The following RXRA variants were observed in gnomAD, a reference collection of about 807,000 sequenced individuals.
RXRA encodes the protein retinoic acid receptor RXR-alpha.
Under a neutral mutation model 44.5 loss-of-function variants are expected in RXRA, and 5 were observed. The ratio of observed to expected loss-of-function variants is 0.11; its 90% CI spans 0.06 to 0.24. The LOEUF (loss-of-function observed/expected upper bound fraction) is 0.24, where lower values mean the gene tolerates loss of function less well. Ranked by LOEUF, RXRA falls within the 10% of genes least tolerant of loss-of-function variation. The probability of loss-of-function intolerance (pLI) is 1.00; values close to 1 mark genes in which losing one functional copy is unlikely to be tolerated. For missense variants in RXRA, 412 were observed against 646.5 expected, an observed-to-expected ratio of 0.64 and a Z score of 3.93; for synonymous variants, 291 against 271.4, an observed-to-expected ratio of 1.07 and a Z score of -0.71.
At chr9:134,394,807 G>T (rs951144422) in intron 1 of RXRA, among the ~76,000 whole-genome samples, 8 of 152,208 alleles carry the variant, frequency 5.3e-5, no homozygotes, top group African/African-American at 1.9e-4. Flanking sequence ...CACCATGGGG[G>T]CCTCTTGGGC....
At chr9:134,394,251 GTGA>G (rs1404314613) in intron 1 of RXRA, among the ~76,000 whole-genome samples, 22 of 124,024 alleles carry the variant, frequency 1.8e-4, no homozygotes, top group African/African-American at 4.7e-4. Context: ...GATGACGGTG[GTGA>G]TGATGACGGT....
chr9:134,436,143 A>G (rs1032898454), intron 9 of RXRA, among the ~76,000 whole-genome samples: 1 of 152,146 alleles, frequency 6.6e-6, no homozygotes, highest in Non-Finnish European at 1.5e-5. Context: ...ATCATGCCCA[A>G]CTGCCTGCAA....
chr9:134,375,862 A>T (rs1372593254), intron 1 of RXRA, among the ~76,000 whole-genome samples: 1 of 151,884 alleles, frequency 6.6e-6, no homozygotes, highest in African/African-American at 2.4e-5. Context: ...CACTCCCCCA[A>T]ACAAACAACA....
chr9:134,395,041 G>A (rs1274315860), intron 1 of RXRA, among the ~76,000 whole-genome samples: 3 of 152,250 alleles, frequency 2.0e-5, no homozygotes, highest in Non-Finnish European at 4.4e-5. Flanking sequence ...AGAGGCAGAG[G>A]CCGGACAGGA....
intron 1 of RXRA, among the ~76,000 whole-genome samples, chr9:134,376,971 GC>G (rs1830565863): frequency 2.0e-5 from 3 of 152,222 alleles, no homozygotes; most frequent in Admixed American, 2.0e-4. Context: ...GGCTGAGTGT[GC>G]GATTGTGTGC....
rs1239002254 is a variant in RXRA at position 134,438,569 on chromosome 9, C to T, written c.*1955C>T. The T allele has an allele frequency of 1.3e-5, 2 of 152,548 alleles. No individual in the cohort carries two copies. Among genetic ancestry groups the T allele is most frequent in the African/African-American group, 2.4e-5 (1 of 41,462 alleles). The allele number at this position is 152,548 out of a possible 1,614,324, so 9.4% of individuals were successfully genotyped here. On this transcript the variant is annotated 3_prime_UTR_variant, in exon 10 of 10. Transcript: ENST00000481739. The stretch of plus-strand genomic sequence containing the variant: ...TTGAGCCTCATACCTGTACCAGGTC[C>T]CCGGCCAGCTGGGCCCCTCCCAGGC...
intron 1 of RXRA, among the ~76,000 whole-genome samples, chr9:134,370,569 T>C (rs1236172010): frequency 6.6e-6 from 1 of 152,236 alleles, no homozygotes; most frequent in Admixed American, 6.5e-5. Context: ...TGTAGCTCTG[T>C]TGGGGCAGCC....
chr9:134,377,301 C>T (rs972023677), intron 1 of RXRA, among the ~76,000 whole-genome samples: 1 of 152,232 alleles, frequency 6.6e-6, no homozygotes, highest in Admixed American at 6.5e-5. Flanking sequence ...GGGCCACATG[C>T]TGTCCCACAT....
intron 1 of RXRA, among the ~76,000 whole-genome samples, chr9:134,332,812 G>A (rs1343977720): frequency 6.6e-6 from 1 of 152,166 alleles, no homozygotes; most frequent in African/African-American, 2.4e-5. Context: ...TCTCCAGGTG[G>A]CTCACTGGTT....
intron 9 of RXRA, among the ~76,000 whole-genome samples, chr9:134,435,420 G>A (rs548441230): frequency 2.2e-3 from 178 of 81,968 alleles, no homozygotes; most frequent in African/African-American, 8.2e-3. Context: ...CCTGCCCCAG[G>A]AAACTCCCCA....
chr9:134,427,717 C>T (rs1306077261), intron 6 of RXRA, among the ~76,000 whole-genome samples: 1 of 152,166 alleles, frequency 6.6e-6, no homozygotes, highest in Admixed American at 6.5e-5. Flanking sequence ...TGTGGAGGGC[C>T]GAGCCGGAGC....
At chr9:134,410,738 C>T (rs1212190174) in intron 4 of RXRA, among the ~76,000 whole-genome samples, 3 of 152,170 alleles carry the variant, frequency 2.0e-5, no homozygotes, top group Non-Finnish European at 4.4e-5. Flanking sequence ...CAGCCTTAGC[C>T]TGGCAGTCTC....
chr9:134,376,848 G>A (rs1404891884), intron 1 of RXRA, among the ~76,000 whole-genome samples: 3 of 152,364 alleles, frequency 2.0e-5, no homozygotes. Flanking sequence ...CAGGAGGGAG[G>A]GAAGGGGCAT....
rs149144832 is a variant in RXRA, at chr9:134,368,457, C to G, written c.29-33175C>G. Among the ~76,000 whole-genome samples, 1,091 of 152,358 alleles carry G rather than the reference C, an allele frequency of 7.2e-3. 15 individuals carry two copies. The highest frequency in any genetic ancestry group is 0.025 in the African/African-American group (1,031 of 41,580). ...GATGCGCCCTCCAGGATGAGAGGCT[C>G]AGGCAGCAGAAGGCTGCAGAGAGCT... On this transcript the variant is annotated intron_variant, in intron 1 of 9. Transcript: ENST00000481739.
intron 6 of RXRA, 149 bp downstream of exon 6, chr9:134,421,954 G>T: frequency 6.6e-7 from 1 of 1,505,548 alleles, no homozygotes; most frequent in Non-Finnish European, 8.8e-7. Flanking sequence ...CTACCTCCCG[G>T]GACACTCCCC....
intron 4 of RXRA, among the ~76,000 whole-genome samples, chr9:134,416,819 C>T (rs1831242699): frequency 6.6e-6 from 1 of 152,176 alleles, no homozygotes; most frequent in South Asian, 2.1e-4. Flanking sequence ...ACACCTCTTC[C>T]AGGAAGGCTT....
At chr9:134,416,119 T>C (rs1321693142) in intron 4 of RXRA, among the ~76,000 whole-genome samples, 1 of 152,028 alleles carries the variant, frequency 6.6e-6, no homozygotes, top group Admixed American at 6.5e-5. Flanking sequence ...AGTGGACTCT[T>C]CTATCCAAAT....
At chr9:134,337,186 G>C (rs1437582593) in intron 1 of RXRA, among the ~76,000 whole-genome samples, 1 of 152,230 alleles carries the variant, frequency 6.6e-6, no homozygotes, top group East Asian at 1.9e-4. Context: ...GCCTGCCCTT[G>C]TTGGGGACCT....
chr9:134,387,961 G>T (rs577791768), intron 1 of RXRA, among the ~76,000 whole-genome samples: 3 of 152,144 alleles, frequency 2.0e-5, no homozygotes, highest in African/African-American at 7.2e-5. Context: ...GGTGACATTG[G>T]GGGGTTTGAA....
Sources: allele counts gnomAD v4.1 joint callset (sites outside exome capture counted in the v4.1 genomes callset), GRCh38; gene constraint gnomAD v4.1.1; transcripts MANE v1.5; gene names NCBI Gene and HGNC (gene_info 2026-07-23, HGNC 2026-07-21).